Variants in ANKDD1A observed in about 807,000 individuals in gnomAD.
The protein encoded by ANKDD1A is ankyrin repeat and death domain containing 1A.
ANKDD1A carries 59 observed loss-of-function variants against 63.5 expected under a neutral mutation model. The ratio of observed to expected loss-of-function variants is 0.93; its 90% CI spans 0.75 to 1.15. The LOEUF is 1.15. ANKDD1A is among the 50% of genes most tolerant of loss of function. ANKDD1A has a pLI of 0.00. For synonymous variants in ANKDD1A, 266 were observed against 263.9 expected, an observed-to-expected ratio of 1.01 and a Z score of -0.08; for missense variants, 632 against 656.4, an observed-to-expected ratio of 0.96 and a Z score of 0.41.
chr15:64,913,486 A>G (rs897636833), intron 1 of ANKDD1A, among the ~76,000 whole-genome samples: 2 of 152,170 alleles, frequency 1.3e-5, no homozygotes, highest in African/African-American at 4.8e-5. Context: ...ATTTCTAATC[A>G]TGATATTAAC....
intron 4 of ANKDD1A, among the ~76,000 whole-genome samples, chr15:64,925,491 C>G (rs1159365749): frequency 1.3e-5 from 2 of 152,120 alleles, no homozygotes; most frequent in Non-Finnish European, 2.9e-5. Flanking sequence ...CAGGCCACTT[C>G]CCTCTACTCC....
chr15:64,944,344 T>TG (rs2085207388), intron 11 of ANKDD1A, among the ~76,000 whole-genome samples: 1 of 152,150 alleles, frequency 6.6e-6, no homozygotes, highest in Admixed American at 6.5e-5. Flanking sequence ...GAAAAGTGGG[T>TG]GGGAACCCCT....
At chr15:64,951,424 TTTC>T (rs1555366894) in intron 14 of ANKDD1A, 56 of 139,808 alleles carry the variant, frequency 4.0e-4, no homozygotes, top group Admixed American at 3.1e-3. Flanking sequence ...TTCTTCCTCT[TTTC>T]TTCTTTTTCT....
intron 14 of ANKDD1A, among the ~76,000 whole-genome samples, chr15:64,955,066 T>TC (rs2085406300): frequency 6.6e-6 from 1 of 151,818 alleles, no homozygotes; most frequent in South Asian, 2.1e-4. Context: ...TCTTTTCTCT[T>TC]TTTTTTGATA....
chr15:64,949,458 C>G (rs150464982), intron 13 of ANKDD1A, among the ~76,000 whole-genome samples: 342 of 152,298 alleles, frequency 2.2e-3, no homozygotes, highest in Middle Eastern at 3.4e-3. Context: ...ATGCAAGACA[C>G]AGATTATTTT....
chr15:64,922,160 C>T (rs2085012645), intron 4 of ANKDD1A, 141 bp downstream of exon 4: 1 of 659,334 alleles, frequency 1.5e-6, no homozygotes, highest in Non-Finnish European at 2.6e-6. Context: ...CATCTGATCT[C>T]CCCCACCTCC....
chr15:64,921,216 T>C (rs28750270), intron 3 of ANKDD1A, among the ~76,000 whole-genome samples: 6,108 of 152,296 alleles, frequency 0.04, 192 homozygotes, highest in African/African-American at 0.082. Context: ...CTCAAGTGAT[T>C]CACATCTCAG....
At chr15:64,944,054 C>T (rs1159702218) in intron 11 of ANKDD1A, among the ~76,000 whole-genome samples, 1 of 152,290 alleles carries the variant, frequency 6.6e-6, no homozygotes, top group South Asian at 2.1e-4. Context: ...GGGAGGGGCA[C>T]CTGCACATGT....
rs1326620566 is a variant in ANKDD1A, at chr15:64,956,232, C to CTTTTTTTTT, written c.1484-869_1484-861dup. On this transcript the variant is annotated intron_variant, in intron 14 of 14. Transcript: ENST00000319580. ...GTGATGTATTTTTTTCTTTGGATTC[C>CTTTTTTTTT]TTTTTTTTTTCTTTTTTTTTGAAAC... Among the ~76,000 whole-genome samples, 2 of 96,304 alleles carry CTTTTTTTTT rather than the reference C, an allele frequency of 2.1e-5. 1 individual carries two copies. The allele number at this position is 96,304 out of a possible 152,430, so 63.2% of individuals were successfully genotyped here.
At chr15:64,954,228 CTCTCCTTCG>C (rs1566918500) in intron 14 of ANKDD1A, among the ~76,000 whole-genome samples, 38 of 137,964 alleles carry the variant, frequency 2.8e-4, no homozygotes, top group East Asian at 2.1e-3. Flanking sequence ...CTTCTTCTTC[CTCTCCTTCG>C]TCTTCTTAGT....
rs564709551 is a variant in ANKDD1A, at chr15:64,950,740, C to CATAG, written c.1483+768_1483+769insATAG. 31 of 859,598 alleles carry CATAG rather than the reference C, an allele frequency of 3.6e-5. No individual in the cohort carries two copies. In the East Asian group the frequency reaches 1.0e-3, roughly 28 times the overall value. 53.2% of individuals were successfully genotyped at this position (859,598 alleles called of 1,614,324 possible). Reference sequence around the variant, plus strand: ...GAAAAGAAAGGACCGCCCCCCCCCCCCCCCCCCCCCATAGCTGCTATAGGC... The same window carrying CATAG: ...GAAAAGAAAGGACCGCCCCCCCCCCCATAGCCCCCCCCCCATAGCTGCTATAGGC... On this transcript the variant is annotated intron_variant, in intron 14 of 14. Coordinates refer to ENST00000319580, the MANE Select transcript of ANKDD1A (RefSeq NM_182703.6).
intron 4 of ANKDD1A, among the ~76,000 whole-genome samples, chr15:64,924,095 G>A (rs1437488480): frequency 1.3e-5 from 2 of 152,238 alleles, no homozygotes; most frequent in African/African-American, 4.8e-5. Flanking sequence ...TCACCTACAA[G>A]GCTGCAGTCA....
At position 64,926,996 on chromosome 15, in the gene ANKDD1A, C is replaced by T. The variant is rs1360979782; in HGVS notation, c.567C>T (p.Asp189=). Residue 189 remains aspartate, a synonymous_variant, in exon 6 of 15, where the codon GAC becomes GAT. Coordinates refer to ENST00000319580, the MANE Select transcript of ANKDD1A (RefSeq NM_182703.6). ...VGSGCDHNVK[D]KEGNTALHLA... ...CTGGCTGTGACCACAATGTCAAAGA[C>T]AAGGTACCGTGTCCGTGAGGCTCTG... The T allele has an allele frequency of 1.9e-6, 3 of 1,614,142 alleles. No homozygotes were observed. The Admixed American group carries it at 5.0e-5, about 27-fold the overall frequency.
rs190726509 is a variant in ANKDD1A at position 64,934,897 on chromosome 15, G to A, written c.867+663G>A. Among the ~76,000 whole-genome samples, 1,046 of 151,690 alleles carry A rather than the reference G, an allele frequency of 6.9e-3. 12 individuals carry two copies. Among genetic ancestry groups the A allele is most frequent in the African/African-American group, 0.02 (847 of 41,346 alleles). On this transcript the variant is annotated intron_variant, in intron 9 of 14. Transcript: ENST00000319580. ...TTAATCTTTTTACTGTTATACATTTGGTCCACACACAGGAACTGTATAATC... is the reference window on the plus strand; with the variant it reads ...TTAATCTTTTTACTGTTATACATTTAGTCCACACACAGGAACTGTATAATC...
chr15:64,949,789 G>C, intron 13 of ANKDD1A, 52 bp from the exon 14 acceptor site: 4 of 1,588,964 alleles, frequency 2.5e-6, no homozygotes, highest in Non-Finnish European at 3.4e-6. Flanking sequence ...CTCTGGTCAA[G>C]TGGCCCCATT....
intron 3 of ANKDD1A, among the ~76,000 whole-genome samples, chr15:64,921,657 G>A (rs148652508): frequency 6.6e-6 from 1 of 152,106 alleles, no homozygotes; most frequent in Non-Finnish European, 1.5e-5. Flanking sequence ...TTACAGGCGT[G>A]AGCCACCAAG....
chr15:64,930,741 T>A, intron 6 of ANKDD1A, 81 bp from the exon 7 acceptor site: 2 of 1,406,426 alleles, frequency 1.4e-6, no homozygotes, highest in Admixed American at 4.0e-5. Flanking sequence ...TGACCCAGTG[T>A]GCATGGCTGC....
In ANKDD1A at chr15:64,953,468, T is replaced by C. The variant is rs1346151028; in HGVS notation, c.1483+3496T>C. Among the ~76,000 whole-genome samples, 10 of 94,482 alleles carry C rather than the reference T, an allele frequency of 1.1e-4. No homozygotes were observed. In the South Asian group the frequency reaches 1.5e-3, roughly 14 times the overall value. The allele number at this position is 94,482 out of a possible 152,430, so 62.0% of individuals were successfully genotyped here. Reference sequence around the variant, plus strand: ...TTCTTCTTTCTTCTCTCCTTCTTCTTCTTCCTCTTCCTTCTCCTTCTTCTT... The same window carrying C: ...TTCTTCTTTCTTCTCTCCTTCTTCTCCTTCCTCTTCCTTCTCCTTCTTCTT... On this transcript the variant is annotated intron_variant, in intron 14 of 14. Transcript: ENST00000319580.
At chr15:64,951,861 CTCT>C (rs138033109) in intron 14 of ANKDD1A, among the ~76,000 whole-genome samples, 63,129 of 110,750 alleles carry the variant, frequency 0.57, 14,800 homozygotes, top group East Asian at 0.86. Flanking sequence ...TTTCTTCTTC[CTCT>C]TCTTTTTCTT....
Sources: allele counts gnomAD v4.1 joint callset (sites outside exome capture counted in the v4.1 genomes callset), GRCh38; gene constraint gnomAD v4.1.1; transcripts MANE v1.5; gene names NCBI Gene and HGNC (gene_info 2026-07-23, HGNC 2026-07-21).